ENTREP3: variants seen among roughly 807,000 people sequenced by gnomAD.
The protein encoded by ENTREP3 is endosomal transmembrane epsin interactor 3.
chr1:155,250,758 G>T, the ENTREP3 span: 1 of 1,612,328 alleles, frequency 6.2e-7, no homozygotes, highest in South Asian at 1.1e-5. This position sits in a 1 kb window ranked among gnomAD's most constrained non-coding sequence, Gnocchi z 5.4. Flanking sequence ...GTCCTCCGAC[G>T]GGCTAGAGCC....
chr1:155,254,784 G>A, the ENTREP3 span: 3 of 1,613,676 alleles, frequency 1.9e-6, no homozygotes, highest in South Asian at 2.2e-5. The surrounding 1 kb of genome is among the most constrained non-coding windows in gnomAD (Gnocchi z 4.4). Context: ...AGCAGGGCCT[G>A]CAGCCAGGGT....
chr1:155,247,767 G>T, the ENTREP3 span: 6 of 1,458,728 alleles, frequency 4.1e-6, no homozygotes, highest in Non-Finnish European at 3.6e-6. Context: ...TGTTCAGTGT[G>T]ACAAGAAGCC....
the ENTREP3 span, among the ~76,000 whole-genome samples, chr1:155,252,294 A>G: frequency 6.6e-6 from 1 of 151,276 alleles, no homozygotes; most frequent in Admixed American, 6.6e-5. Flanking sequence ...ACCTCCCAAG[A>G]TCAAGCAATT....
At chr1:155,251,076 C>T in the ENTREP3 span, 1 of 1,607,946 alleles carries the variant, frequency 6.2e-7, no homozygotes. Context: ...TTGTCCACCC[C>T]TCATTACGCC....
chr1:155,248,570 C>A, the ENTREP3 span: 1 of 1,001,838 alleles, frequency 1.0e-6, no homozygotes, highest in Non-Finnish European at 1.6e-6. Flanking sequence ...GGAGCTTTCA[C>A]AGCTCCCACG....
the ENTREP3 span, chr1:155,247,577 T>C: frequency 5.6e-6 from 4 of 718,832 alleles, no homozygotes; most frequent in Non-Finnish European, 5.1e-6. Flanking sequence ...TAAATACCCA[T>C]GCAGCACAGG....
chr1:155,251,067 T>A, the ENTREP3 span: 1 of 1,598,922 alleles, frequency 6.3e-7, no homozygotes, highest in Admixed American at 1.7e-5. Context: ...GCCCCGCCCT[T>A]GTCCACCCCT....
chr1:155,253,846 G>C, the ENTREP3 span: 1 of 1,612,376 alleles, frequency 6.2e-7, no homozygotes, highest in Non-Finnish European at 8.5e-7. Flanking sequence ...ATGTTTGCAG[G>C]GTGCAAGCTC....
At chr1:155,248,394 A>G in the ENTREP3 span, 10 of 1,614,076 alleles carry the variant, frequency 6.2e-6, no homozygotes, top group South Asian at 1.1e-4. Flanking sequence ...GGCGCAAACC[A>G]CATGCCTGAC....
the ENTREP3 span, chr1:155,254,964 C>T: frequency 2.9e-6 from 3 of 1,045,214 alleles, no homozygotes; most frequent in Non-Finnish European, 2.8e-6. The surrounding 1 kb of genome is among the most constrained non-coding windows in gnomAD (Gnocchi z 4.4). Flanking sequence ...GTCCTTTCTC[C>T]TCTCCACCCC....
At chr1:155,249,278 A>G in the ENTREP3 span, among the ~76,000 whole-genome samples, 1 of 147,692 alleles carries the variant, frequency 6.8e-6, no homozygotes, top group African/African-American at 2.5e-5. Context: ...TTTAGTAGAG[A>G]TAGGGTTTCA....
chr1:155,248,348 G>A, the ENTREP3 span: 19 of 1,613,880 alleles, frequency 1.2e-5, 1 homozygote, highest in East Asian at 4.0e-4. Flanking sequence ...AGGGTGGAGA[G>A]GGGGCTGGGC....
the ENTREP3 span, chr1:155,247,899 G>A: frequency 1.1e-4 from 167 of 1,582,748 alleles, 1 homozygote; most frequent in Middle Eastern, 5.0e-4. Flanking sequence ...TCAGATCTCC[G>A]CAGCTGCGAA....
chr1:155,247,923 T>C, the ENTREP3 span: 2 of 1,596,332 alleles, frequency 1.3e-6, no homozygotes. Flanking sequence ...GGAGGCTCTC[T>C]CGGCCAGGCC....
chr1:155,249,613 C>T, the ENTREP3 span, among the ~76,000 whole-genome samples: 1 of 151,986 alleles, frequency 6.6e-6, no homozygotes, highest in African/African-American at 2.4e-5. Context: ...GGCACGGTGA[C>T]TCATGCCTGT....
the ENTREP3 span, chr1:155,255,046 C>G: frequency 6.4e-5 from 39 of 612,340 alleles, no homozygotes; most frequent in Admixed American, 8.5e-4. The surrounding 1 kb of genome is among the most constrained non-coding windows in gnomAD (Gnocchi z 5.6). Flanking sequence ...GTGGGGGGGG[C>G]CAAGCGAGGG....
chr1:155,247,352 G>A, the ENTREP3 span: 336 of 476,382 alleles, frequency 7.1e-4, 2 homozygotes, highest in African/African-American at 6.4e-3. Flanking sequence ...AGAGGTGGCA[G>A]AGCTGAGAGG....
chr1:155,252,254 G>T, the ENTREP3 span, among the ~76,000 whole-genome samples: 2 of 151,516 alleles, frequency 1.3e-5, no homozygotes, highest in Non-Finnish European at 2.9e-5. Context: ...CTGGAGTGCA[G>T]TGGCGCGATC....
the ENTREP3 span, chr1:155,254,773 A>T: frequency 6.2e-7 from 1 of 1,613,832 alleles, no homozygotes. This position sits in a 1 kb window ranked among gnomAD's most constrained non-coding sequence, Gnocchi z 4.4. Context: ...GCCCCAGCGT[A>T]AGCAGGGCCT....
Sources: gnomAD v4.1 joint callset for allele counts (sites outside exome capture counted in the v4.1 genomes callset) on GRCh38, gnomAD v4.1.1 for gene constraint, Gnocchi (gnomAD v3.1) non-coding constraint, MANE v1.5 for transcripts, NCBI Gene and HGNC (gene_info 2026-07-23, HGNC 2026-07-21) for gene names.